CMTM8: variants seen among roughly 807,000 people sequenced by gnomAD.
CMTM8 encodes the protein CKLF-like MARVEL transmembrane domain-containing protein 8.
CMTM8 carries 12 observed loss-of-function variants against 18.6 expected under a neutral mutation model. The ratio of observed to expected loss-of-function variants is 0.65; its 90% CI spans 0.41 to 1.05. The LOEUF (loss-of-function observed/expected upper bound fraction) is 1.05, where lower values mean the gene tolerates loss of function less well. Among genes scored for constraint, CMTM8 ranks in the 50% least tolerant of loss-of-function variants. The pLI, the probability that CMTM8 is intolerant of heterozygous loss-of-function variation, is 0.00. For missense variants in CMTM8, 217 were observed against 227.2 expected, an observed-to-expected ratio of 0.95 and a Z score of 0.29; for synonymous variants, 87 against 90.6, an observed-to-expected ratio of 0.96 and a Z score of 0.23.
At chr3:32,269,018 G>A (rs966635513) in intron 1 of CMTM8, among the ~76,000 whole-genome samples, 2 of 152,172 alleles carry the variant, frequency 1.3e-5, no homozygotes, top group African/African-American at 2.4e-5. Flanking sequence ...GATGCAACAA[G>A]AAATCTACAT....
chr3:32,279,753 C>CACTG (rs2125548926), intron 1 of CMTM8, among the ~76,000 whole-genome samples: 1 of 128,140 alleles, frequency 7.8e-6, no homozygotes, highest in Admixed American at 8.4e-5. Flanking sequence ...GGAATCGCCA[C>CACTG]ACTGACTTCC....
At chr3:32,248,766 A>G (rs999647640) in intron 1 of CMTM8, among the ~76,000 whole-genome samples, 4 of 151,742 alleles carry the variant, frequency 2.6e-5, no homozygotes. Flanking sequence ...CATTGTAACC[A>G]CAAACTCCTG....
intron 1 of CMTM8, among the ~76,000 whole-genome samples, chr3:32,272,477 C>T (rs1702453551): frequency 6.6e-6 from 1 of 152,152 alleles, no homozygotes; most frequent in South Asian, 2.1e-4. Flanking sequence ...ACTCTATCTT[C>T]CATGTCTTTT....
chr3:32,299,365 G>A (rs1196122667), intron 1 of CMTM8, among the ~76,000 whole-genome samples: 2 of 152,130 alleles, frequency 1.3e-5, no homozygotes, highest in Admixed American at 6.5e-5. Flanking sequence ...CCATTGAAAT[G>A]CCAAGATTCT....
chr3:32,341,288 C>T (rs1417395444), intron 1 of CMTM8, among the ~76,000 whole-genome samples: 1 of 152,192 alleles, frequency 6.6e-6, no homozygotes. Context: ...ATGCCCAGAA[C>T]CTTGCACGTG....
chr3:32,315,270 C>T lies in CMTM8; in HGVS notation c.148-42103C>T, dbSNP rs368566652. Among the ~76,000 whole-genome samples the T allele has an allele frequency of 2.6e-5, 4 of 152,150 alleles. No individual in the cohort carries two copies. In the East Asian group the frequency reaches 7.7e-4, roughly 29 times the overall value. On this transcript the variant is annotated intron_variant, in intron 1 of 3. Transcript: ENST00000307526. ...TCAGCCTCCCGAGTAGCTGGGATTA[C>T]AGGCGCATGCCACCACACCCAGCTA...
chr3:32,280,304 G>A (rs1422071829), intron 1 of CMTM8, among the ~76,000 whole-genome samples: 2 of 152,154 alleles, frequency 1.3e-5, no homozygotes, highest in African/African-American at 4.8e-5. Flanking sequence ...AGGATCATAA[G>A]CTACTTCCTT....
chr3:32,369,083 T>C (rs1224480677), intron 3 of CMTM8, among the ~76,000 whole-genome samples: 4 of 152,036 alleles, frequency 2.6e-5, no homozygotes, highest in African/African-American at 9.6e-5. Context: ...CCTAGGTGGG[T>C]GGATCACCTG....
At chr3:32,246,605 A>T (rs1702019194) in intron 1 of CMTM8, among the ~76,000 whole-genome samples, 1 of 152,180 alleles carries the variant, frequency 6.6e-6, no homozygotes, top group African/African-American at 2.4e-5. Flanking sequence ...ACCTGTTTTC[A>T]TCAATGATTA....
At chr3:32,290,478 A>G (rs1273652610) in intron 1 of CMTM8, among the ~76,000 whole-genome samples, 1 of 152,210 alleles carries the variant, frequency 6.6e-6, no homozygotes, top group Non-Finnish European at 1.5e-5. Flanking sequence ...TGGATAATGT[A>G]CATGTATATT....
intron 1 of CMTM8, among the ~76,000 whole-genome samples, chr3:32,285,104 T>A (rs531675739): frequency 1.3e-5 from 2 of 152,320 alleles, no homozygotes; most frequent in East Asian, 3.9e-4. Context: ...ATGTTACTGC[T>A]TTCAGGGCCA....
chr3:32,305,848 A>G (rs1213919798), intron 1 of CMTM8, among the ~76,000 whole-genome samples: 1 of 152,234 alleles, frequency 6.6e-6, no homozygotes, highest in African/African-American at 2.4e-5. Flanking sequence ...GCATGTTTTT[A>G]AAAAATAAAA....
At chr3:32,307,863 T>A (rs919715241) in intron 1 of CMTM8, among the ~76,000 whole-genome samples, 4 of 152,134 alleles carry the variant, frequency 2.6e-5, no homozygotes, top group African/African-American at 4.8e-5. Flanking sequence ...GGACCACACT[T>A]TGAGAGCCAG....
At chr3:32,245,865 TCTTAGCTCACTGCAAC>T (rs1405921656) in intron 1 of CMTM8, among the ~76,000 whole-genome samples, 3 of 152,110 alleles carry the variant, frequency 2.0e-5, no homozygotes, top group East Asian at 1.9e-4. Context: ...AGTGGCGTGA[TCTTAGCTCACTGCAAC>T]CTTAGCTCAC....
chr3:32,318,837 G>A (rs978439366), intron 1 of CMTM8, among the ~76,000 whole-genome samples: 4 of 151,278 alleles, frequency 2.6e-5, no homozygotes, highest in Non-Finnish European at 5.9e-5. Context: ...AAAGTGCTGG[G>A]ATTACAGGCA....
In CMTM8 at chr3:32,320,082, C is replaced by T. The variant is rs901160873; in HGVS notation, c.148-37291C>T. 9.2e-5 allele frequency among the ~76,000 whole-genome samples: 14 copies of T among 152,350 alleles called. No individual in the cohort carries two copies. In the East Asian group the frequency reaches 2.3e-3, roughly 25 times the overall value. On this transcript the variant is annotated intron_variant, in intron 1 of 3. Coordinates refer to ENST00000307526, the MANE Select transcript of CMTM8 (RefSeq NM_178868.5). ...TCTAAATTGACCCCTTGCTGGGCCA[C>T]TCCCTCAGCTCCTGAGCAAGCTTCC...
At chr3:32,331,467 T>C (rs751266275) in intron 1 of CMTM8, among the ~76,000 whole-genome samples, 2 of 150,810 alleles carry the variant, frequency 1.3e-5, no homozygotes, top group Non-Finnish European at 2.9e-5. Flanking sequence ...CACTTCTGGG[T>C]ATAGATCCAA....
At chr3:32,284,042 A>G (rs1479443749) in intron 1 of CMTM8, among the ~76,000 whole-genome samples, 2 of 152,230 alleles carry the variant, frequency 1.3e-5, no homozygotes, top group African/African-American at 2.4e-5. Context: ...ACCTGAGGTC[A>G]GGAGTTCGAG....
At chr3:32,359,569 G>A (rs759295548) in intron 2 of CMTM8, among the ~76,000 whole-genome samples, 14 of 152,176 alleles carry the variant, frequency 9.2e-5, no homozygotes, top group African/African-American at 3.4e-4. Flanking sequence ...CAGCTTGGGC[G>A]ACAGAGTGAG....
Sources: allele counts gnomAD v4.1 joint callset (sites outside exome capture counted in the v4.1 genomes callset), GRCh38; gene constraint gnomAD v4.1.1; transcripts MANE v1.5; gene names NCBI Gene and HGNC (gene_info 2026-07-23, HGNC 2026-07-21).